RAD50: variants seen among roughly 807,000 people sequenced by gnomAD.
RAD50 encodes the protein RAD50 double strand break repair protein.
Under a neutral mutation model 168.8 loss-of-function variants are expected in RAD50, and 132 were observed. That is an observed-to-expected ratio of 0.78 (90% CI 0.68 to 0.90). The LOEUF is 0.90. Ranked by LOEUF, RAD50 falls within the 40% of genes least tolerant of loss-of-function variation. RAD50 has a pLI of 0.00. For missense variants in RAD50, 1,347 were observed against 1,534.4 expected, an observed-to-expected ratio of 0.88 and a Z score of 2.04; for synonymous variants, 525 against 497.4, an observed-to-expected ratio of 1.06 and a Z score of -0.74.
chr5:132,592,057 G>A, intron 11 of RAD50, 23 bp downstream of exon 11: 1 of 1,592,192 alleles, frequency 6.3e-7, no homozygotes, highest in Non-Finnish European at 8.6e-7. Flanking sequence ...ATTTGGAGAT[G>A]TAATAGAAAT....
intron 21 of RAD50, among the ~76,000 whole-genome samples, chr5:132,621,460 G>A (rs566485138): frequency 1.2e-4 from 19 of 152,016 alleles, no homozygotes; most frequent in Admixed American, 2.0e-4. Context: ...TCATAAGCCC[G>A]CATGTTTCCC....
Position 132,579,993 on chromosome 5 carries a change from C to T in RAD50, c.683C>T (p.Thr228Ile). The change falls in exon 5 of 25, where the codon ACA (threonine) becomes ATA (isoleucine). Residue 228 changes from threonine to isoleucine, a missense_variant. Thr to Ile is a moderately conservative substitution (Grantham distance 89). Around this residue, in one of 3 missense-constraint regions of RAD50, gnomAD observed 703 missense variants for 767.7 expected, o/e 0.92. Coordinates refer to ENST00000378823, the MANE Select transcript of RAD50 (RefSeq NM_005732.4). ...EKACEIRDQI[T>I]SKEAQLTSSK... ...GCTTGTGAGATTCGTGATCAGATTA[C>T]AAGTAAGGAAGCCCAGTTAACATCT... is the stretch of plus-strand genomic sequence containing the variant. The T allele has an allele frequency of 6.2e-7, 1 of 1,613,324 alleles. No homozygotes were observed. Among genetic ancestry groups the T allele is most frequent in the Non-Finnish European group, 8.5e-7 (1 of 1,179,402 alleles).
intron 2 of RAD50, among the ~76,000 whole-genome samples, chr5:132,571,218 T>C (rs1220893529): frequency 6.6e-6 from 1 of 152,154 alleles, no homozygotes; most frequent in Non-Finnish European, 1.5e-5. Flanking sequence ...TACCAAAATG[T>C]GACACAGAGA....
At chr5:132,591,456 C>T (rs1445196227) in intron 10 of RAD50, 50 bp downstream of exon 10, 1 of 1,540,006 alleles carries the variant, frequency 6.5e-7, no homozygotes, top group South Asian at 1.1e-5. Context: ...CTTAAAATAG[C>T]CTACCTTGCA....
intron 17 of RAD50, 34 bp downstream of exon 17, chr5:132,608,759 A>G (rs763394245): frequency 6.5e-7 from 1 of 1,550,294 alleles, no homozygotes; most frequent in Admixed American, 1.9e-5. Flanking sequence ...CTTATCAAAT[A>G]TCTGTATTAA....
intron 5 of RAD50, among the ~76,000 whole-genome samples, chr5:132,584,177 T>C (rs1750554183): frequency 1.3e-5 from 2 of 152,186 alleles, no homozygotes; most frequent in Non-Finnish European, 1.5e-5. Context: ...ACCTGTTGTT[T>C]CCTGATTTTT....
chr5:132,633,723 T>A (rs1485405894), intron 21 of RAD50, among the ~76,000 whole-genome samples: 1 of 151,838 alleles, frequency 6.6e-6, no homozygotes, highest in Non-Finnish European at 1.5e-5. Context: ...CTACAGGCAC[T>A]CACCACCACA....
chr5:132,594,728 C>CA, intron 11 of RAD50, 141 bp from the exon 12 acceptor site: 1 of 819,878 alleles, frequency 1.2e-6, no homozygotes, highest in East Asian at 2.7e-5. Flanking sequence ...ACTAGTCCCT[C>CA]AACTTCTGAA....
At chr5:132,613,553 T>A (rs559806090) in intron 19 of RAD50, among the ~76,000 whole-genome samples, 1 of 151,836 alleles carries the variant, frequency 6.6e-6, no homozygotes, top group Non-Finnish European at 1.5e-5. Flanking sequence ...TCAGGCACTA[T>A]ACTGATTACA....
Position 132,595,807 on chromosome 5 carries a change from T to C in RAD50, c.2204T>C (p.Met735Thr). The C allele has an allele frequency of 6.3e-7, 1 of 1,599,436 alleles. No individual in the cohort carries two copies. The highest frequency in any genetic ancestry group is 8.5e-7 in the Non-Finnish European group (1 of 1,170,846). The change falls in exon 13 of 25, where the codon ATG becomes ACG. Residue 735 changes from methionine (M) to threonine (T), a missense_variant. Transcript: ENST00000378823. ...GATGAAATGCTGGGACTTGTGCCCA[T>C]GAGGTAAGAATGGGATTTACCTTCA... The part of the protein sequence containing the change: ...RRDEMLGLVP[M>T]RQSIIDLKEK...
Position 132,557,334 on chromosome 5 carries a change from A to G in RAD50, c.10A>G (p.Ile4Val), listed in dbSNP as rs1060501972. The G allele has an allele frequency of 8.7e-6, 14 of 1,614,078 alleles. No individual in the cohort carries two copies. Among genetic ancestry groups the G allele is most frequent in the Non-Finnish European group, 1.2e-5 (14 of 1,179,996 alleles). Residue 4 changes from isoleucine (I) to valine (V), a missense_variant, in exon 1 of 25, where the codon ATC becomes GTC. By Grantham distance (29) the Ile-to-Val change is conservative (BLOSUM62 3). Coordinates refer to ENST00000378823, the MANE Select transcript of RAD50 (RefSeq NM_005732.4). Reference sequence around the variant, plus strand: ...AGAAACGTTTGCAAACATGTCCCGGATCGAAAAGATGAGCATTCTGGGCGT... The same window carrying G: ...AGAAACGTTTGCAAACATGTCCCGGGTCGAAAAGATGAGCATTCTGGGCGT... MSR[I>V]EKMSILGVRS...
intron 13 of RAD50, among the ~76,000 whole-genome samples, chr5:132,601,551 A>G (rs577788641): frequency 5.3e-5 from 8 of 152,212 alleles, no homozygotes; most frequent in Admixed American, 6.5e-5. Flanking sequence ...CTGTGACAAC[A>G]GTGTTCAAGA....
At chr5:132,595,272 A>C in intron 12 of RAD50, 1 of 589,364 alleles carries the variant, frequency 1.7e-6, no homozygotes, top group Non-Finnish European at 3.0e-6. Context: ...TGTGGTACTG[A>C]GGTGTGAATG....
chr5:132,609,546 C>T, intron 19 of RAD50, 150 bp downstream of exon 19: 1 of 1,304,244 alleles, frequency 7.7e-7, no homozygotes. Context: ...CTTTGGAAGG[C>T]CGAGGCGGGT....
chr5:132,595,531 G>A (rs750886510), intron 12 of RAD50, 42 bp from the exon 13 acceptor site: 14 of 1,352,942 alleles, frequency 1.0e-5, no homozygotes, highest in Non-Finnish European at 1.4e-5. Flanking sequence ...TGTATTTTAT[G>A]TTTTTTTCTC....
Position 132,595,591 on chromosome 5 carries a change from C to T in RAD50, c.1988C>T (p.Thr663Ile), listed in dbSNP as rs786201735. The change falls in exon 13 of 25, where the codon ACA (threonine) becomes ATA (isoleucine). Residue 663 changes from threonine (T) to isoleucine (I), a missense_variant. Coordinates refer to ENST00000378823, the MANE Select transcript of RAD50 (RefSeq NM_005732.4). ...AAAATAGCCATGCTGGCTGGAGCCACAGCAGTTTACTCCCAGTTCATTACT... is the reference window on the plus strand; with the variant it reads ...AAAATAGCCATGCTGGCTGGAGCCATAGCAGTTTACTCCCAGTTCATTACT... Reference protein sequence around the residue: ...SKQRAMLAGATAVYSQFITQL... With the variant: ...SKQRAMLAGAIAVYSQFITQL... 1.9e-6 allele frequency: 3 copies of T among 1,612,724 alleles called. No homozygotes were observed. The highest frequency in any genetic ancestry group is 2.2e-5 in the East Asian group (1 of 44,880).
In RAD50 at chr5:132,640,690, A is replaced by AT; in HGVS notation, c.3639dup (p.Arg1214SerfsTer6). 1 of 1,614,204 alleles carries AT rather than the reference A, an allele frequency of 6.2e-7. No homozygotes were observed. Among genetic ancestry groups the AT allele is most frequent in the Non-Finnish European group, 8.5e-7 (1 of 1,180,028 alleles). The stretch of plus-strand genomic sequence containing the variant: ...TTTCCAGGTATTAGCCTCACTCATC[A>AT]TTCGCCTGGCCCTGGCTGAAACGTT... On this transcript the variant is annotated frameshift_variant, in exon 24 of 25. Transcript: ENST00000378823. LOFTEE classifies it high-confidence loss of function.
In RAD50 at chr5:132,642,737, T is replaced by TAAATCATAGTTAAATGTTACCTCTGAA; in HGVS notation, c.*374_*400dup. 2.6e-6 allele frequency: 1 copy of TAAATCATAGTTAAATGTTACCTCTGAA among 382,800 alleles called. No homozygotes were observed. The highest frequency in any genetic ancestry group is 5.0e-6 in the Non-Finnish European group (1 of 201,708). 23.7% of individuals were successfully genotyped at this position (382,800 alleles called of 1,614,324 possible). ...AAAATTTATGGTTTTGGTATTTTTT[T>TAAATCATAGTTAAATGTTACCTCTGAA]AAATCATAGTTAAATGTTACCTCTG... On this transcript the variant is annotated 3_prime_UTR_variant, in exon 25 of 25. Transcript: ENST00000378823.
chr5:132,631,811 T>TC (rs1189437022), intron 21 of RAD50, among the ~76,000 whole-genome samples: 1 of 152,098 alleles, frequency 6.6e-6, no homozygotes, highest in Non-Finnish European at 1.5e-5. Context: ...GATCAAGCTA[T>TC]CCTCCCACCT....
Sources: gnomAD v4.1 joint callset for allele counts (sites outside exome capture counted in the v4.1 genomes callset) on GRCh38, gnomAD v4.1.1 for gene constraint, gnomAD v4.1.1 regional missense constraint, MANE v1.5 for transcripts, NCBI Gene and HGNC (gene_info 2026-07-23, HGNC 2026-07-21) for gene names.